The following AKNA variants were observed in gnomAD, a reference collection of about 807,000 sequenced individuals.
The protein encoded by AKNA is AT-hook transcription factor, also known as microtubule organization protein AKNA.
AKNA carries 67 observed loss-of-function variants against 138.8 expected under a neutral mutation model. The ratio of observed to expected loss-of-function variants is 0.48; its 90% confidence interval spans 0.40 to 0.59. AKNA has a LOEUF of 0.59. AKNA is among the 20% of genes least tolerant of loss of function. The pLI is 0.00. For missense variants in AKNA, 1,813 were observed against 1,880.4 expected (o/e 0.96, Z 0.66); for synonymous variants, 737 against 754.4 (o/e 0.98, Z 0.38).
In AKNA at chr9:114,335,462, G is replaced by A. The variant is rs530174111; in HGVS notation, c.*1592C>T. Reference sequence around the variant, plus strand: ...CTAGCAGGTGCTCCCTAAATGGCAGGTGCTGTTTGCTACTGAAAGTACTGG... The same window carrying A: ...CTAGCAGGTGCTCCCTAAATGGCAGATGCTGTTTGCTACTGAAAGTACTGG... On this transcript the variant is annotated 3_prime_UTR_variant, in exon 22 of 22. Coordinates refer to ENST00000374088, the MANE Select transcript of AKNA (RefSeq NM_001317950.2). 1 of 152,414 alleles carries A rather than the reference G, an allele frequency of 6.6e-6. No individual in the cohort carries two copies. The highest frequency in any genetic ancestry group is 6.5e-5 in the Admixed American group (1 of 15,308). The allele number at this position is 152,414 out of a possible 1,614,324, so 9.4% of individuals were successfully genotyped here.
intron 11 of AKNA, chr9:114,358,389 A>G: frequency 1.8e-6 from 1 of 552,478 alleles, no homozygotes; most frequent in Non-Finnish European, 3.1e-6. Flanking sequence ...ATGCCAACAA[A>G]ACCCACCCAA....
intron 4 of AKNA, among the ~76,000 whole-genome samples, chr9:114,371,651 C>T (rs1832775719): frequency 6.6e-6 from 1 of 152,188 alleles, no homozygotes; most frequent in South Asian, 2.1e-4. Context: ...CAAATATGAC[C>T]CTGAAGCTGG....
chr9:114,368,648 C>T, intron 4 of AKNA, 53 bp from the exon 5 acceptor site: 1 of 1,296,056 alleles, frequency 7.7e-7, no homozygotes, highest in Non-Finnish European at 9.9e-7. Flanking sequence ...GGCAAACCCA[C>T]CTGAAACGCC....
chr9:114,336,890 C>T lies in AKNA; in HGVS notation c.*164G>A. On this transcript the variant is annotated 3_prime_UTR_variant, in exon 22 of 22. Transcript: ENST00000374088. Reference sequence around the variant, plus strand: ...GGTGACCGAGCTGACACCCCCTCCACTTGGAAAGCACAGGGACTGAGCAGG... The same window carrying T: ...GGTGACCGAGCTGACACCCCCTCCATTTGGAAAGCACAGGGACTGAGCAGG... The T allele has an allele frequency of 1.2e-6, 1 of 866,086 alleles. No individual in the cohort carries two copies. The highest frequency in any genetic ancestry group is 1.6e-6 in the Non-Finnish European group (1 of 636,062). The allele number at this position is 866,086 out of a possible 1,614,324, so 53.7% of individuals were successfully genotyped here.
Position 114,339,103 on chromosome 9 carries a change from C to T in AKNA, c.4068-1797G>A, listed in dbSNP as rs193102914. On this transcript the variant is annotated intron_variant, in intron 21 of 21. Coordinates refer to ENST00000374088, the MANE Select transcript of AKNA (RefSeq NM_001317950.2). ...GCTGTAAAGTCGAAAAATCATAAATCGAACCATTGTAAAAGTAGGGACTGT... is the reference window on the plus strand; with the variant it reads ...GCTGTAAAGTCGAAAAATCATAAATTGAACCATTGTAAAAGTAGGGACTGT... Among the ~76,000 whole-genome samples, 1,402 of 152,264 alleles carry T rather than the reference C, an allele frequency of 9.2e-3. 13 individuals are homozygous for T. The highest frequency in any genetic ancestry group is 0.016 in the Non-Finnish European group (1,080 of 68,020).
intron 4 of AKNA, among the ~76,000 whole-genome samples, chr9:114,371,216 A>G (rs1832748425): frequency 6.6e-6 from 1 of 152,174 alleles, no homozygotes; most frequent in African/African-American, 2.4e-5. Flanking sequence ...CCCCAGCTGC[A>G]GATCCCGCAA....
At chr9:114,384,208 G>A (rs909052519) in intron 1 of AKNA, among the ~76,000 whole-genome samples, 8 of 151,970 alleles carry the variant, frequency 5.3e-5, no homozygotes, top group Non-Finnish European at 8.8e-5. Context: ...ATATTTGCTC[G>A]AACACATCAC....
At chr9:114,343,331 C>T (rs900342627) in intron 19 of AKNA, among the ~76,000 whole-genome samples, 5 of 152,158 alleles carry the variant, frequency 3.3e-5, no homozygotes, top group Admixed American at 6.5e-5. Flanking sequence ...AGAACTGGGA[C>T]TAGAACCCAT....
rs1241715659 is a variant in AKNA at position 114,359,941 on chromosome 9, T to A, written c.2246A>T (p.His749Leu). The change falls in exon 10 of 22, where the codon CAC (histidine) becomes CTC (leucine). Residue 749 changes from histidine to leucine, a missense_variant. His to Leu is a moderately conservative substitution (Grantham distance 99, BLOSUM62 -3). Transcript: ENST00000374088. ...RPQDPLARLR[H>L]KELQMEQVYH... ...AACTTGCTCCATCTGCAGCTCCTTG[T>A]GCCTGAGTCGGGCCAGGGGGTCCTG... 9 of 1,614,214 alleles carry A rather than the reference T, an allele frequency of 5.6e-6. No homozygotes were observed. In the African/African-American group the frequency reaches 9.3e-5, roughly 17 times the overall value.
chr9:114,339,079 C>T (rs2131762696), intron 21 of AKNA, among the ~76,000 whole-genome samples: 1 of 152,316 alleles, frequency 6.6e-6, no homozygotes, highest in African/African-American at 2.4e-5. Flanking sequence ...TATAAACCCG[C>T]TGTAAAGTCG....
At chr9:114,355,837 A>G (rs1381346447) in intron 14 of AKNA, 88 bp downstream of exon 14, 2 of 1,342,332 alleles carry the variant, frequency 1.5e-6, no homozygotes, top group African/African-American at 2.9e-5. Context: ...AACCTGGCTA[A>G]TATGTCATAT....
chr9:114,384,879 G>A (rs1833923005), intron 1 of AKNA, among the ~76,000 whole-genome samples: 1 of 151,934 alleles, frequency 6.6e-6, no homozygotes, highest in South Asian at 2.1e-4. Context: ...ATTGAGACAG[G>A]GTCTCACTGT....
In AKNA at chr9:114,337,012, T is replaced by TTGGGGGGGGGGGGGGGC; in HGVS notation, c.*41_*42insGCCCCCCCCCCCCCCCA. 2 of 1,208,224 alleles carry TTGGGGGGGGGGGGGGGC rather than the reference T, an allele frequency of 1.7e-6. No homozygotes were observed. Among genetic ancestry groups the TTGGGGGGGGGGGGGGGC allele is most frequent in the Non-Finnish European group, 2.2e-6 (2 of 929,350 alleles). 74.8% of individuals were successfully genotyped at this position (1,208,224 alleles called of 1,614,324 possible). A position where few individuals can be genotyped will look rare whatever the true frequency, so the allele number is the denominator to read the frequency against. Reference sequence around the variant, plus strand: ...CCCACTCCTGGCCTGGCAGGCCACCTGCCCACCCACCCACCCATCTGCCTC... The same window carrying TTGGGGGGGGGGGGGGGC: ...CCCACTCCTGGCCTGGCAGGCCACCTTGGGGGGGGGGGGGGGCGCCCACCCACCCACCCATCTGCCTC... On this transcript the variant is annotated 3_prime_UTR_variant, in exon 22 of 22. Transcript: ENST00000374088.
Position 114,374,091 on chromosome 9 carries a change from A to C in AKNA, c.1416+2T>G, listed in dbSNP as rs1589011648. 6.4e-7 allele frequency: 1 copy of C among 1,554,510 alleles called. No homozygotes were observed. The highest frequency in any genetic ancestry group is 1.4e-5 in the African/African-American group (1 of 73,222). On this transcript the variant is annotated splice_donor_variant, in intron 4 of 21. Coordinates refer to ENST00000374088, the MANE Select transcript of AKNA (RefSeq NM_001317950.2). LOFTEE classifies it high-confidence loss of function. ...TGCCTCCACCCCATCCCGGCCTGGTACCTTGGCCCCGAGGCGTAGCTGGTC... is the reference window on the plus strand; with the variant it reads ...TGCCTCCACCCCATCCCGGCCTGGTCCCTTGGCCCCGAGGCGTAGCTGGTC...
chr9:114,374,278 G>A, intron 3 of AKNA, 111 bp from the exon 4 acceptor site: 2 of 1,053,768 alleles, frequency 1.9e-6, no homozygotes, highest in Non-Finnish European at 2.8e-6. Context: ...GGGTTCCTGA[G>A]AGGAAAGCAT....
chr9:114,390,780 G>A (rs1356507111), upstream of AKNA, among the ~76,000 whole-genome samples: 2 of 152,120 alleles, frequency 1.3e-5, no homozygotes, highest in African/African-American at 4.8e-5. Context: ...TGCTTTTCCT[G>A]GGACAGATGT....
chr9:114,360,128 C>A, intron 9 of AKNA, 66 bp from the exon 10 acceptor site: 1 of 1,603,826 alleles, frequency 6.2e-7, no homozygotes, highest in South Asian at 1.1e-5. Flanking sequence ...TAAGCACTTA[C>A]CTCCTGCCAG....
chr9:114,392,097 C>A (rs1486192208), upstream of AKNA, among the ~76,000 whole-genome samples: 1 of 94,376 alleles, frequency 1.1e-5, no homozygotes, highest in Non-Finnish European at 2.2e-5. Context: ...CAGAGTAAGA[C>A]GCTTGTCAAA....
At chr9:114,375,954 C>T (rs1443397868) in intron 3 of AKNA, 6 of 454,894 alleles carry the variant, frequency 1.3e-5, no homozygotes, top group East Asian at 6.9e-5. Context: ...GCCTCCCTAC[C>T]GCAGCCAGCC....
Sources: gnomAD v4.1 joint callset for allele counts (sites outside exome capture counted in the v4.1 genomes callset) on GRCh38, gnomAD v4.1.1 for gene constraint, MANE v1.5 for transcripts, NCBI Gene and HGNC (gene_info 2026-07-23, HGNC 2026-07-21) for gene names.